The following NLGN1 variants were observed in gnomAD, a reference collection of about 807,000 sequenced individuals.
NLGN1 encodes the protein neuroligin-1.
Under a neutral mutation model 65.5 loss-of-function variants are expected in NLGN1, and 12 were observed. The observed-to-expected ratio is 0.18, with a 90% confidence interval of 0.12 to 0.30. The LOEUF (loss-of-function observed/expected upper bound fraction) is 0.30. Among genes scored for constraint, NLGN1 ranks in the 10% least tolerant of loss-of-function variants. The probability of loss-of-function intolerance (pLI) is 1.00; values close to 1 mark genes in which losing one functional copy is unlikely to be tolerated. For synonymous variants in NLGN1, 350 were observed against 359.5 expected, an observed-to-expected ratio of 0.97 and a Z score of 0.30; for missense variants, 750 against 1,007.1, an observed-to-expected ratio of 0.74 and a Z score of 3.46.
chr3:174,275,610 C>T, intron 5 of NLGN1, 83 bp downstream of exon 5: 1 of 812,498 alleles, frequency 1.2e-6, no homozygotes. Flanking sequence ...CTGTATATTT[C>T]TCTGTTCAAA....
At chr3:173,623,916 A>G (rs938364483) in intron 3 of NLGN1, among the ~76,000 whole-genome samples, 1 of 152,166 alleles carries the variant, frequency 6.6e-6, no homozygotes, top group Non-Finnish European at 1.5e-5. Flanking sequence ...CGTCCCATTG[A>G]CATCTATTTA....
chr3:173,683,718 G>T (rs373975094), intron 3 of NLGN1, among the ~76,000 whole-genome samples: 1 of 152,052 alleles, frequency 6.6e-6, no homozygotes, highest in Non-Finnish European at 1.5e-5. Context: ...TAGTTGATAC[G>T]ATCAAATAAG....
intron 1 of NLGN1, among the ~76,000 whole-genome samples, chr3:173,408,392 G>A (rs1337758563): frequency 6.6e-6 from 1 of 152,000 alleles, no homozygotes; most frequent in Non-Finnish European, 1.5e-5. Context: ...AAGGTCTGAG[G>A]GGCAATTTCA....
intron 2 of NLGN1, among the ~76,000 whole-genome samples, chr3:173,518,886 C>T (rs1258793701): frequency 6.6e-6 from 1 of 152,086 alleles, no homozygotes; most frequent in Admixed American, 6.6e-5. Context: ...GGGGAAAGGC[C>T]TCGATGGCAT....
intron 3 of NLGN1, among the ~76,000 whole-genome samples, chr3:173,641,025 T>C (rs79378928): frequency 0.049 from 7,471 of 152,244 alleles, 408 homozygotes; most frequent in African/African-American, 0.12. Context: ...AATCAAACTA[T>C]GGAGTGATAT....
rs150128706 is a variant in NLGN1 at position 173,619,545 on chromosome 3, G to A, written c.493+14454G>A. ...TTGTATAGTGCCTACCACAGGCCAA[G>A]CATTGTTTTAATGGCTTTATATATT... is the stretch of plus-strand genomic sequence containing the variant. On this transcript the variant is annotated intron_variant, in intron 3 of 6. Coordinates refer to ENST00000457714, the Ensembl canonical transcript of NLGN1. 5.3e-5 allele frequency among the ~76,000 whole-genome samples: 8 copies of A among 152,268 alleles called. No homozygotes were observed. The East Asian group carries it at 1.5e-3, about 29-fold the overall frequency.
chr3:174,255,660 T>G (rs1745603694), intron 4 of NLGN1, among the ~76,000 whole-genome samples: 1 of 150,552 alleles, frequency 6.6e-6, no homozygotes, highest in Non-Finnish European at 1.5e-5. Flanking sequence ...TATTTATTTA[T>G]TTATTTATTT....
chr3:173,929,168 T>A (rs1380349801), intron 4 of NLGN1, among the ~76,000 whole-genome samples: 1 of 152,172 alleles, frequency 6.6e-6, no homozygotes, highest in Admixed American at 6.6e-5. Context: ...ATACAAAACT[T>A]ACATGAAGTT....
intron 2 of NLGN1, among the ~76,000 whole-genome samples, chr3:173,598,994 A>G (rs536296060): frequency 1.3e-5 from 2 of 152,246 alleles, no homozygotes; most frequent in South Asian, 2.1e-4. Flanking sequence ...CACAGTATCT[A>G]CTGAACATTC....
chr3:173,680,754 T>C (rs1763837635), intron 3 of NLGN1, among the ~76,000 whole-genome samples: 1 of 152,106 alleles, frequency 6.6e-6, no homozygotes, highest in Admixed American at 6.6e-5. Context: ...CTAGGGACCA[T>C]GGATGGAAAC....
chr3:174,080,766 T>G (rs1741995809), intron 4 of NLGN1, among the ~76,000 whole-genome samples: 1 of 151,976 alleles, frequency 6.6e-6, no homozygotes, highest in Admixed American at 6.6e-5. Flanking sequence ...GTTTTTTTTT[T>G]TGGTTGTTTA....
chr3:173,600,054 T>C (rs1237035566), intron 2 of NLGN1, among the ~76,000 whole-genome samples: 24 of 152,100 alleles, frequency 1.6e-4, no homozygotes, highest in Non-Finnish European at 2.9e-5. Context: ...CCTCAGGCAC[T>C]TAATGCTTTA....
At chr3:174,268,261 T>G (rs1423222345) in intron 4 of NLGN1, among the ~76,000 whole-genome samples, 2 of 152,208 alleles carry the variant, frequency 1.3e-5, no homozygotes, top group Non-Finnish European at 2.9e-5. Context: ...AAGCAGTTAT[T>G]CAAACTGCAC....
At chr3:173,640,098 G>A (rs1017241642) in intron 3 of NLGN1, among the ~76,000 whole-genome samples, 1 of 152,070 alleles carries the variant, frequency 6.6e-6, no homozygotes, top group African/African-American at 2.4e-5. Flanking sequence ...GGACAACGGG[G>A]TGCATAATAT....
At chr3:173,925,339 A>G (rs1434810077) in intron 4 of NLGN1, among the ~76,000 whole-genome samples, 2 of 152,202 alleles carry the variant, frequency 1.3e-5, no homozygotes, top group Non-Finnish European at 2.9e-5. Context: ...AGGAAAAAAA[A>G]TAGTTCATTT....
At chr3:173,990,133 C>T (rs760146904) in intron 4 of NLGN1, among the ~76,000 whole-genome samples, 2 of 152,112 alleles carry the variant, frequency 1.3e-5, no homozygotes, top group Non-Finnish European at 2.9e-5. Flanking sequence ...TCACACCATA[C>T]TCTGTTGGGT....
intron 4 of NLGN1, among the ~76,000 whole-genome samples, chr3:174,008,554 C>T (rs1263053141): frequency 2.6e-5 from 4 of 152,040 alleles, no homozygotes; most frequent in Non-Finnish European, 1.5e-5. Context: ...ACTCTTGGCT[C>T]TGCAGGCAGG....
At chr3:173,615,221 A>T (rs1752878877) in intron 3 of NLGN1, among the ~76,000 whole-genome samples, 1 of 151,974 alleles carries the variant, frequency 6.6e-6, no homozygotes, top group Admixed American at 6.6e-5. Context: ...TGATTGATTG[A>T]TTGTTATTCT....
At chr3:173,816,102 A>C (rs1009027391) in intron 4 of NLGN1, among the ~76,000 whole-genome samples, 13 of 150,136 alleles carry the variant, frequency 8.7e-5, no homozygotes, top group African/African-American at 3.2e-4. Flanking sequence ...GTTATAATTA[A>C]ATCTATATCT....
Sources: allele counts gnomAD v4.1 joint callset (sites outside exome capture counted in the v4.1 genomes callset), GRCh38; gene constraint gnomAD v4.1.1; transcripts MANE v1.5; gene names NCBI Gene and HGNC (gene_info 2026-07-23, HGNC 2026-07-21).